The following ADAMTS17 variants were observed in gnomAD, a reference collection of about 807,000 sequenced individuals.
ADAMTS17 encodes A disintegrin and metalloproteinase with thrombospondin motifs 17.
In ADAMTS17, 113 loss-of-function variants were observed where a neutral mutation model predicts 141.5. The observed-to-expected ratio is 0.80, with a 90% CI of 0.69 to 0.93. The LOEUF (loss-of-function observed/expected upper bound fraction) is 0.93, where lower values mean the gene tolerates loss of function less well. Ranked by LOEUF, ADAMTS17 falls within the 40% of genes least tolerant of loss-of-function variation. ADAMTS17 has a pLI of 0.00. For synonymous variants in ADAMTS17, 768 were observed against 630.6 expected (o/e 1.22, Z -3.27); for missense variants, 1,659 against 1,517.9 (o/e 1.09, Z -1.54).
At chr15:100,205,429 A>G (rs942973879) in intron 7 of ADAMTS17, among the ~76,000 whole-genome samples, 2 of 152,216 alleles carry the variant, frequency 1.3e-5, no homozygotes, top group Non-Finnish European at 2.9e-5. Flanking sequence ...GCCACAGCCA[A>G]CTTGAGCCAA....
chr15:100,123,825 C>CCTGCCT (rs565669608), intron 12 of ADAMTS17, among the ~76,000 whole-genome samples: 11 of 152,192 alleles, frequency 7.2e-5, no homozygotes, highest in Non-Finnish European at 4.4e-5. Context: ...GCGCCCTGCC[C>CCTGCCT]CTGCCTCTGC....
At chr15:100,126,345 C>CA (rs1467230081) in intron 12 of ADAMTS17, 2 of 152,240 alleles carry the variant, frequency 1.3e-5, no homozygotes, top group African/African-American at 2.4e-5. Context: ...CAACAGAAAA[C>CA]AGAGCTACGG....
intron 3 of ADAMTS17, chr15:100,306,101 T>C (rs10902569): frequency 0.66 from 119,060 of 179,520 alleles, 40,831 homozygotes; most frequent in African/African-American, 0.84. Context: ...TGGAATATGC[T>C]CTCTCCTCGA....
At chr15:100,330,756 G>A in intron 3 of ADAMTS17, 133 bp downstream of exon 3, 8 of 1,149,888 alleles carry the variant, frequency 7.0e-6, no homozygotes, top group South Asian at 6.0e-5. Flanking sequence ...AGTGGTCTCA[G>A]GGCAATAAAA....
At chr15:100,338,093 CAATT>C (rs1244660965) in intron 2 of ADAMTS17, among the ~76,000 whole-genome samples, 2 of 152,204 alleles carry the variant, frequency 1.3e-5, no homozygotes, top group Admixed American at 6.5e-5. Context: ...AAACAGAAAA[CAATT>C]AATACTTAAG....
rs148268440 is a variant in ADAMTS17, at chr15:100,257,447, C to T, written c.1032-3268G>A. Among the ~76,000 whole-genome samples, 718 of 152,372 alleles carry T rather than the reference C, an allele frequency of 4.7e-3. 3 individuals are homozygous for T. Among genetic ancestry groups the T allele is most frequent in the African/African-American group, 0.016 (649 of 41,588 alleles). On this transcript the variant is annotated intron_variant, in intron 6 of 21. Transcript: ENST00000268070. ...ACGTGCACTGATCTGTTCAGTCCAG[C>T]AGCTCCACAGCAGCAGGTGAGAGGG...
At chr15:100,078,682 G>A (rs2034539067) in intron 15 of ADAMTS17, among the ~76,000 whole-genome samples, 1 of 152,126 alleles carries the variant, frequency 6.6e-6, no homozygotes, top group African/African-American at 2.4e-5. Context: ...AGACACAGCA[G>A]CAAAAGCACA....
rs2141955580 is a variant in ADAMTS17 at position 100,331,173 on chromosome 15, GT to G, written c.451-120del. 10 of 1,298,832 alleles carry G rather than the reference GT, an allele frequency of 7.7e-6. No homozygotes were observed. The South Asian group carries it at 1.3e-4, about 16-fold the overall frequency. 80.5% of individuals were successfully genotyped at this position (1,298,832 alleles called of 1,614,324 possible). A position where few individuals can be genotyped will look rare whatever the true frequency, so the allele number is the denominator to read the frequency against. ...GATTTGGTTTTCCAGGTCTGGGCTC[GT>G]TTCTTTGCAGATTGGTCAGATTTAC... On this transcript the variant is annotated intron_variant, in intron 2 of 21. Coordinates refer to ENST00000268070, the MANE Select transcript of ADAMTS17 (RefSeq NM_139057.4).
At chr15:100,019,853 C>A (rs11631536) in intron 18 of ADAMTS17, among the ~76,000 whole-genome samples, 88,495 of 152,052 alleles carry the variant, frequency 0.58, 28,978 homozygotes, top group Non-Finnish European at 0.75. Context: ...GCCCATCTCC[C>A]TCCAGCTCAC....
chr15:100,132,245 C>A, intron 11 of ADAMTS17, 93 bp from the exon 12 acceptor site: 1 of 1,509,224 alleles, frequency 6.6e-7, no homozygotes, highest in Non-Finnish European at 8.9e-7. Context: ...TGCCAAAAAC[C>A]CATTTGCTAA....
chr15:100,150,992 C>T (rs150455016), intron 10 of ADAMTS17, among the ~76,000 whole-genome samples: 57 of 152,366 alleles, frequency 3.7e-4, no homozygotes, highest in Non-Finnish European at 6.0e-4. Context: ...AGGCACTGTG[C>T]GTGTGCATAA....
At chr15:100,063,862 G>A (rs1489384900) in intron 15 of ADAMTS17, 2 of 770,244 alleles carry the variant, frequency 2.6e-6, no homozygotes, top group Non-Finnish European at 3.9e-6. Flanking sequence ...CCCCACAGTG[G>A]CTTCAGAAAT....
intron 8 of ADAMTS17, among the ~76,000 whole-genome samples, chr15:100,174,275 G>T (rs933232581): frequency 2.0e-5 from 3 of 152,148 alleles, no homozygotes; most frequent in African/African-American, 7.2e-5. Flanking sequence ...GAGGGCAATA[G>T]TGTTGGCAGA....
At chr15:100,171,276 C>T (rs2040149883) in intron 8 of ADAMTS17, among the ~76,000 whole-genome samples, 1 of 152,118 alleles carries the variant, frequency 6.6e-6, no homozygotes, top group Admixed American at 6.5e-5. Context: ...TGGCCTTACC[C>T]CCTTCCTTCC....
chr15:100,074,852 C>G (rs983316597), intron 15 of ADAMTS17, among the ~76,000 whole-genome samples: 1 of 152,034 alleles, frequency 6.6e-6, no homozygotes, highest in Non-Finnish European at 1.5e-5. Context: ...TTTACAGAAC[C>G]GAGCAATGTA....
chr15:99,978,665 C>G (rs1338461598), intron 20 of ADAMTS17: 1 of 152,262 alleles, frequency 6.6e-6, no homozygotes, highest in Non-Finnish European at 1.5e-5. Flanking sequence ...GAAGTTCCCG[C>G]CTTGAACACA....
intron 18 of ADAMTS17, among the ~76,000 whole-genome samples, chr15:100,018,320 A>C (rs1046438998): frequency 6.6e-6 from 1 of 152,234 alleles, no homozygotes; most frequent in Admixed American, 6.5e-5. Context: ...GCAAACAATA[A>C]AAGAAAAAAA....
At chr15:100,207,044 A>T (rs1296781194) in intron 7 of ADAMTS17, among the ~76,000 whole-genome samples, 1 of 152,174 alleles carries the variant, frequency 6.6e-6, no homozygotes, top group East Asian at 1.9e-4. Flanking sequence ...TGTCCCCCTG[A>T]AATTCAGAGG....
rs1451988117 is a variant in ADAMTS17 at position 99,973,050 on chromosome 15, G to A, written c.*1352C>T. 1 of 152,106 alleles carries A rather than the reference G, an allele frequency of 6.6e-6. No individual in the cohort carries two copies. The highest frequency in any genetic ancestry group is 2.4e-5 in the African/African-American group (1 of 41,404). The allele number at this position is 152,106 out of a possible 1,614,324, so 9.4% of individuals were successfully genotyped here. ...AGTTGGTGAGCAAAACAGGCCTCCT[G>A]GCATCTAGGGTCCCTGCCCGGCCTC... On this transcript the variant is annotated 3_prime_UTR_variant, in exon 22 of 22. Transcript: ENST00000268070.
Sources: gnomAD v4.1 joint callset for allele counts (sites outside exome capture counted in the v4.1 genomes callset) on GRCh38, gnomAD v4.1.1 for gene constraint, MANE v1.5 for transcripts, NCBI Gene and HGNC (gene_info 2026-07-23, HGNC 2026-07-21) for gene names.